The following FRMD4B variants were observed in gnomAD, a reference collection of about 807,000 sequenced individuals.
FRMD4B encodes the protein FERM domain containing 4B.
Under a neutral mutation model 141.5 loss-of-function variants are expected in FRMD4B, and 74 were observed. The observed-to-expected ratio is 0.52, with a 90% CI of 0.43 to 0.63. The LOEUF is 0.63. Ranked by LOEUF, FRMD4B falls within the 30% of genes least tolerant of loss-of-function variation. The pLI, the probability that FRMD4B is intolerant of heterozygous loss-of-function variation, is 0.00. For missense variants in FRMD4B, 1,366 were observed against 1,253.4 expected (o/e 1.09, Z -1.36); for synonymous variants, 506 against 467.9 (o/e 1.08, Z -1.05).
At chr3:69,502,119 T>G (rs1432028030) in intron 1 of FRMD4B, among the ~76,000 whole-genome samples, 3 of 152,138 alleles carry the variant, frequency 2.0e-5, no homozygotes, top group African/African-American at 7.2e-5. Context: ...AGGTAATTTA[T>G]AGATTCAATG....
intron 2 of FRMD4B, among the ~76,000 whole-genome samples, chr3:69,428,620 T>G (rs539728488): frequency 6.6e-6 from 1 of 152,014 alleles, no homozygotes; most frequent in African/African-American, 2.4e-5. Flanking sequence ...TTTAAACTAT[T>G]AACACTTTTT....
chr3:69,274,869 G>T (rs933192772), intron 5 of FRMD4B, among the ~76,000 whole-genome samples: 5 of 152,104 alleles, frequency 3.3e-5, no homozygotes, highest in African/African-American at 1.2e-4. Flanking sequence ...ATTCAATAAC[G>T]TTTTATCTAA....
intron 5 of FRMD4B, among the ~76,000 whole-genome samples, chr3:69,269,400 T>G (rs1213020525): frequency 1.3e-5 from 2 of 151,408 alleles, no homozygotes; most frequent in Non-Finnish European, 2.9e-5. Flanking sequence ...CCTTCATAGG[T>G]GGGGAGACTG....
At chr3:69,179,222 C>T (rs2092680562) in intron 21 of FRMD4B, among the ~76,000 whole-genome samples, 1 of 152,038 alleles carries the variant, frequency 6.6e-6, no homozygotes, top group Non-Finnish European at 1.5e-5. Context: ...AAACAGGAAG[C>T]TTTACCTCCA....
At chr3:69,298,233 A>G (rs1701095961) in intron 4 of FRMD4B, among the ~76,000 whole-genome samples, 1 of 152,226 alleles carries the variant, frequency 6.6e-6, no homozygotes, top group African/African-American at 2.4e-5. Flanking sequence ...ATGCTACAAT[A>G]AATAAAATAT....
At chr3:69,242,439 G>A (rs2093391196) in intron 7 of FRMD4B, among the ~76,000 whole-genome samples, 1 of 144,672 alleles carries the variant, frequency 6.9e-6, no homozygotes, top group Admixed American at 7.0e-5. Flanking sequence ...TACTCTCCAG[G>A]GCATCCAAAG....
At chr3:69,440,456 A>C (rs1164928408) in intron 1 of FRMD4B, among the ~76,000 whole-genome samples, 3 of 152,220 alleles carry the variant, frequency 2.0e-5, no homozygotes, top group Non-Finnish European at 4.4e-5. Context: ...CTTTATAATA[A>C]ATTTTGATAG....
chr3:69,226,712 T>A (rs890333939), intron 7 of FRMD4B, among the ~76,000 whole-genome samples: 1 of 152,194 alleles, frequency 6.6e-6, no homozygotes, highest in African/African-American at 2.4e-5. Flanking sequence ...TATCATAAAT[T>A]TATTTATTCA....
intron 1 of FRMD4B, among the ~76,000 whole-genome samples, chr3:69,526,714 C>G (rs2107144261): frequency 6.6e-6 from 1 of 152,312 alleles, no homozygotes; most frequent in African/African-American, 2.4e-5. Flanking sequence ...ATTTCCCTAA[C>G]ACTGTCCCGA....
At chr3:69,321,490 G>A (rs958817400) in intron 1 of FRMD4B, among the ~76,000 whole-genome samples, 3 of 152,132 alleles carry the variant, frequency 2.0e-5, no homozygotes, top group African/African-American at 7.2e-5. Context: ...CTGCCATCTG[G>A]AAGGGTGAAA....
At chr3:69,528,772 C>T (rs533991834) in intron 1 of FRMD4B, among the ~76,000 whole-genome samples, 1 of 148,914 alleles carries the variant, frequency 6.7e-6, no homozygotes, top group East Asian at 2.0e-4. Flanking sequence ...TAGGACAGTG[C>T]ATAAATGAGA....
chr3:69,469,028 T>C (rs1453383741), intron 1 of FRMD4B, among the ~76,000 whole-genome samples: 4 of 152,164 alleles, frequency 2.6e-5, no homozygotes, highest in African/African-American at 9.7e-5. Context: ...CAGAGATAAA[T>C]TGATTTCTTT....
chr3:69,358,017 G>A (rs1483531460), intron 1 of FRMD4B, among the ~76,000 whole-genome samples: 2 of 152,144 alleles, frequency 1.3e-5, no homozygotes, highest in African/African-American at 4.8e-5. Context: ...TTTGCAGCCT[G>A]GACCTGGCAT....
intron 1 of FRMD4B, among the ~76,000 whole-genome samples, chr3:69,488,492 G>C (rs1316876687): frequency 6.6e-6 from 1 of 152,150 alleles, no homozygotes; most frequent in African/African-American, 2.4e-5. Context: ...GGAAAGCATA[G>C]TCTTTTCAAC....
At chr3:69,245,820 T>C (rs1274616273) in intron 7 of FRMD4B, among the ~76,000 whole-genome samples, 1 of 145,782 alleles carries the variant, frequency 6.9e-6, no homozygotes, top group East Asian at 2.0e-4. Context: ...TCTGCGAACG[T>C]GCCAGGCTAA....
intron 1 of FRMD4B, among the ~76,000 whole-genome samples, chr3:69,510,041 G>T (rs1196711981): frequency 1.3e-5 from 2 of 151,914 alleles, no homozygotes; most frequent in African/African-American, 4.8e-5. Flanking sequence ...ACTTTATTGA[G>T]GTGGTCTGGA....
chr3:69,326,129 T>A (rs1702184033), intron 1 of FRMD4B, among the ~76,000 whole-genome samples: 1 of 150,946 alleles, frequency 6.6e-6, no homozygotes, highest in East Asian at 1.9e-4. Flanking sequence ...ATTTTTTTTT[T>A]TTTTTTTTGT....
intron 1 of FRMD4B, among the ~76,000 whole-genome samples, chr3:69,494,760 C>T (rs1422187132): frequency 3.9e-5 from 6 of 151,984 alleles, no homozygotes; most frequent in Non-Finnish European, 8.8e-5. Flanking sequence ...GGCATGGTGG[C>T]GGGCACCTGT....
chr3:69,517,851 G>T (rs1700789258), intron 1 of FRMD4B, among the ~76,000 whole-genome samples: 1 of 152,112 alleles, frequency 6.6e-6, no homozygotes, highest in Non-Finnish European at 1.5e-5. Flanking sequence ...AACCCCTGCT[G>T]GCCTAGTGCA....
Sources: gnomAD v4.1 joint callset for allele counts (sites outside exome capture counted in the v4.1 genomes callset) on GRCh38, gnomAD v4.1.1 for gene constraint, MANE v1.5 for transcripts, NCBI Gene and HGNC (gene_info 2026-07-23, HGNC 2026-07-21) for gene names.